CEMIP: variants seen among roughly 807,000 people sequenced by gnomAD.
CEMIP encodes cell migration-inducing and hyaluronan-binding protein.
CEMIP carries 105 observed loss-of-function variants against 156.9 expected under a neutral mutation model. That is an observed-to-expected ratio of 0.67 (90% CI 0.57 to 0.79). The LOEUF is 0.79. Among genes scored for constraint, CEMIP ranks in the 30% least tolerant of loss-of-function variants. CEMIP has a pLI of 0.00. For synonymous variants in CEMIP, 676 were observed against 668.4 expected (o/e 1.01, Z -0.17); for missense variants, 1,457 against 1,769.4 (o/e 0.82, Z 3.17).
Position 80,915,839 on chromosome 15 carries a change from A to T in CEMIP, c.1798-4255A>T, listed in dbSNP as rs1470567648. Among the ~76,000 whole-genome samples, 6 of 63,528 alleles carry T rather than the reference A, an allele frequency of 9.4e-5. No individual in the cohort carries two copies. The South Asian group carries it at 2.0e-3, about 21-fold the overall frequency. The allele number at this position is 63,528 out of a possible 152,430, so 41.7% of individuals were successfully genotyped here. A position where few individuals can be genotyped will look rare whatever the true frequency, so the allele number is the denominator to read the frequency against. ...TTTTAATCTGCATATTCAAAAACTCATTAAGACACTCTGTAAAACAAATAA... is the reference window on the plus strand; with the variant it reads ...TTTTAATCTGCATATTCAAAAACTCTTTAAGACACTCTGTAAAACAAATAA... On this transcript the variant is annotated intron_variant, in intron 14 of 29. Coordinates refer to ENST00000394685, the MANE Select transcript of CEMIP (RefSeq NM_001293298.2).
At chr15:80,899,398 T>C (rs1038506252) in intron 12 of CEMIP, among the ~76,000 whole-genome samples, 1 of 152,044 alleles carries the variant, frequency 6.6e-6, no homozygotes, top group Non-Finnish European at 1.5e-5. Flanking sequence ...AATTCCAATA[T>C]AGAATGATGA....
At chr15:80,846,798 C>G (rs1897572614) in intron 1 of CEMIP, among the ~76,000 whole-genome samples, 1 of 152,216 alleles carries the variant, frequency 6.6e-6, no homozygotes, top group Non-Finnish European at 1.5e-5. Flanking sequence ...GTCCTAATTC[C>G]TGGCTCAGCA....
intron 1 of CEMIP, among the ~76,000 whole-genome samples, chr15:80,786,696 T>C (rs1032047090): frequency 1.4e-4 from 22 of 152,016 alleles, no homozygotes; most frequent in African/African-American, 4.8e-4. Context: ...ATGGGGTACA[T>C]GGAGGACCAG....
Position 80,900,585 on chromosome 15 carries a change from G to GGTGTGTGTGTGTGT in CEMIP, c.1411+4576_1411+4589dup, listed in dbSNP as rs57724852. 4.9e-3 allele frequency among the ~76,000 whole-genome samples: 370 copies of GGTGTGTGTGTGTGT among 74,858 alleles called. 19 individuals are homozygous for GGTGTGTGTGTGTGT. The highest frequency in any genetic ancestry group is 8.1e-3 in the East Asian group (15 of 1,862). The allele number at this position is 74,858 out of a possible 152,430, so 49.1% of individuals were successfully genotyped here. On this transcript the variant is annotated intron_variant, in intron 12 of 29. Transcript: ENST00000394685. ...CAGCACCAGAAAAGCCCCAGGTAGG[G>GGTGTGTGTGTGTGT]GTGTGTGTGTGTGTGTGTGTGTGTG...
intron 1 of CEMIP, among the ~76,000 whole-genome samples, chr15:80,866,177 C>T (rs1448458419): frequency 1.3e-5 from 2 of 152,132 alleles, no homozygotes; most frequent in African/African-American, 2.4e-5. Flanking sequence ...GGGGATAGGG[C>T]GAGTCCGTGA....
At chr15:80,840,713 G>A (rs1897389936) in intron 1 of CEMIP, among the ~76,000 whole-genome samples, 1 of 152,214 alleles carries the variant, frequency 6.6e-6, no homozygotes, top group African/African-American at 2.4e-5. Flanking sequence ...TGTTTGCCCA[G>A]TTGCCCTGGA....
intron 3 of CEMIP, among the ~76,000 whole-genome samples, 199 bp from the exon 4 acceptor site, chr15:80,878,522 A>C (rs183631116): frequency 1.3e-5 from 2 of 152,338 alleles, no homozygotes; most frequent in Non-Finnish European, 2.9e-5. Context: ...TGATGAATTC[A>C]TGCAAAATAT....
At chr15:80,866,356 G>A (rs1294017737) in intron 1 of CEMIP, among the ~76,000 whole-genome samples, 5 of 152,108 alleles carry the variant, frequency 3.3e-5, no homozygotes, top group Non-Finnish European at 5.9e-5. Flanking sequence ...TTGGGAGGTC[G>A]AGGCAGGTGG....
At chr15:80,789,544 C>T (rs1448682824) in intron 1 of CEMIP, among the ~76,000 whole-genome samples, 2 of 151,984 alleles carry the variant, frequency 1.3e-5, no homozygotes, top group East Asian at 3.9e-4. Flanking sequence ...CTTCCATATG[C>T]AGAGATTTCT....
intron 14 of CEMIP, among the ~76,000 whole-genome samples, chr15:80,914,109 C>T (rs546386276): frequency 6.3e-4 from 96 of 152,072 alleles, no homozygotes; most frequent in Middle Eastern, 3.4e-3. Context: ...TATCTGTAGG[C>T]TGGATAGTGG....
At chr15:80,943,786 G>A (rs1901433821) in intron 28 of CEMIP, among the ~76,000 whole-genome samples, 1 of 152,092 alleles carries the variant, frequency 6.6e-6, no homozygotes, top group African/African-American at 2.4e-5. Context: ...CACCAACACT[G>A]TTGGCACAGT....
chr15:80,925,625 T>C lies in CEMIP; in HGVS notation c.2290T>C (p.Tyr764His). 1 of 1,612,420 alleles carries C rather than the reference T, an allele frequency of 6.2e-7. No homozygotes were observed. The highest frequency in any genetic ancestry group is 8.5e-7 in the Non-Finnish European group (1 of 1,179,898). ...GCCCTCCCCATGGTTGTGCTGCAGA[T>C]ACAGCCCTCACCAGGACGCCGACCC... ...RPFLSIISARYSPHQDADPLK... is the reference protein window; with the variant it reads ...RPFLSIISARHSPHQDADPLK... Residue 764 changes from tyrosine (Y) to histidine (H), a missense_variant and splice_region_variant, in exon 19 of 30, where the codon TAC becomes CAC. By Grantham distance (83) the Tyr-to-His change is moderately conservative (BLOSUM62 2). Transcript: ENST00000394685.
chr15:80,909,041 A>C, intron 13 of CEMIP, 56 bp from the exon 14 acceptor site: 1 of 1,540,752 alleles, frequency 6.5e-7, no homozygotes. Flanking sequence ...GGCACCAGCC[A>C]GGGAAATCAC....
At chr15:80,899,067 G>A (rs11629920) in intron 12 of CEMIP, among the ~76,000 whole-genome samples, 1 of 152,104 alleles carries the variant, frequency 6.6e-6, no homozygotes. Context: ...ACAAAAATTA[G>A]CCGGGTGTAG....
In CEMIP at chr15:80,852,420, C is replaced by T. The variant is rs115220721; in HGVS notation, c.-175-21118C>T. ...TGTTTTTTTTTTAAGTGGAGAGGTA[C>T]GATTACTAACCAGTAGGAGCAACAA... On this transcript the variant is annotated intron_variant, in intron 1 of 29. Transcript: ENST00000394685. Among the ~76,000 whole-genome samples, 818 of 151,764 alleles carry T rather than the reference C, an allele frequency of 5.4e-3. 5 individuals are homozygous for T. The highest frequency in any genetic ancestry group is 0.014 in the African/African-American group (587 of 41,386).
intron 1 of CEMIP, among the ~76,000 whole-genome samples, chr15:80,841,114 A>G (rs1897404191): frequency 6.6e-6 from 1 of 152,206 alleles, no homozygotes; most frequent in African/African-American, 2.4e-5. Flanking sequence ...TGGCTTTGCC[A>G]GCTGATGGCT....
chr15:80,881,026 C>T lies in CEMIP; in HGVS notation c.507C>T (p.His169=), dbSNP rs770584637. 2 of 1,614,208 alleles carry T rather than the reference C, an allele frequency of 1.2e-6. No homozygotes were observed. The highest frequency in any genetic ancestry group is 1.1e-5 in the South Asian group (1 of 91,078). Residue 169 remains histidine, a synonymous_variant, in exon 6 of 30, where the codon CAC becomes CAT. Transcript: ENST00000394685. ...GGACATTTCTGAACAAGACCCTTCA[C>T]CCAGGTGGCATGGCAGAAGGAGGCT... The part of the protein sequence containing the change: ...LSWTFLNKTL[H]PGGMAEGGYF...
intron 19 of CEMIP, among the ~76,000 whole-genome samples, chr15:80,927,115 C>T (rs1220277101): frequency 6.6e-6 from 1 of 152,212 alleles, no homozygotes; most frequent in Non-Finnish European, 1.5e-5. Flanking sequence ...AGGCGTGAGC[C>T]ACTGTGCCCA....
At chr15:80,852,325 C>G (rs940142021) in intron 1 of CEMIP, among the ~76,000 whole-genome samples, 3 of 152,006 alleles carry the variant, frequency 2.0e-5, no homozygotes, top group African/African-American at 7.2e-5. Flanking sequence ...ACAGAAGGCC[C>G]TTGAAGTGTA....
Sources: gnomAD v4.1 joint callset for allele counts (sites outside exome capture counted in the v4.1 genomes callset) on GRCh38, gnomAD v4.1.1 for gene constraint, MANE v1.5 for transcripts, NCBI Gene and HGNC (gene_info 2026-07-23, HGNC 2026-07-21) for gene names.